FDPS: variants seen among roughly 807,000 people sequenced by gnomAD.
The protein encoded by FDPS is farnesyl diphosphate synthase.
FDPS carries 29 observed loss-of-function variants against 49.5 expected under a neutral mutation model. That is an observed-to-expected ratio of 0.59 (90% CI 0.44 to 0.80). FDPS has a LOEUF of 0.80. Among genes scored for constraint, FDPS ranks in the 30% least tolerant of loss-of-function variants. The pLI is 0.00. For missense variants in FDPS, 414 were observed against 525.6 expected, an observed-to-expected ratio of 0.79 and a Z score of 2.08; for synonymous variants, 172 against 206.4, an observed-to-expected ratio of 0.83 and a Z score of 1.43.
intron 4 of FDPS, among the ~76,000 whole-genome samples, chr1:155,315,954 A>G (rs140684203): frequency 9.1e-4 from 138 of 152,054 alleles, no homozygotes; most frequent in African/African-American, 3.1e-3. Context: ...TAATAATAAA[A>G]ATTAAAACCT....
At chr1:155,311,485 TTAATA>T (rs1198027094) in intron 3 of FDPS, among the ~76,000 whole-genome samples, 1 of 152,118 alleles carries the variant, frequency 6.6e-6, no homozygotes, top group African/African-American at 2.4e-5. Context: ...AGGCTTTGTT[TTAATA>T]TAATGAAGGA....
chr1:155,316,352 T>C (rs1649404732), intron 4 of FDPS, among the ~76,000 whole-genome samples: 1 of 148,468 alleles, frequency 6.7e-6, no homozygotes, highest in Non-Finnish European at 1.5e-5. Flanking sequence ...GGTGCGCTGG[T>C]GTGTGCCTAT....
chr1:155,319,917 C>G lies in FDPS; in HGVS notation c.1048C>G (p.Gln350Glu). ...GCAACGGGCCACTCCAGAACAGTAC[C>G]AGATCCTGAAGGTGCCTGAGAGAGG... ...CLQRATPEQYQILKENYGQKE... is the reference protein window; with the variant it reads ...CLQRATPEQYEILKENYGQKE... The change falls in exon 10 of 11, where the codon CAG becomes GAG. Residue 350 changes from glutamine (Q) to glutamate (E), a missense_variant. Physicochemically the swap from Gln to Glu is conservative, Grantham distance 29. Coordinates refer to ENST00000368356, the MANE Select transcript of FDPS (RefSeq NM_002004.4). 6.2e-7 allele frequency: 1 copy of G among 1,614,076 alleles called. No homozygotes were observed. Among genetic ancestry groups the G allele is most frequent in the Non-Finnish European group, 8.5e-7 (1 of 1,179,936 alleles).
chr1:155,319,018 C>A, intron 8 of FDPS, 90 bp downstream of exon 8: 1 of 945,700 alleles, frequency 1.1e-6, no homozygotes, highest in Non-Finnish European at 1.7e-6. Context: ...ACTGCTACCC[C>A]TGGTGAAAAA....
At chr1:155,310,602 C>T (rs1339660062) in intron 3 of FDPS, 9 of 183,672 alleles carry the variant, frequency 4.9e-5, no homozygotes, top group Non-Finnish European at 1.0e-4. Flanking sequence ...TGAGCCACCG[C>T]GCCTGGCCGA....
At chr1:155,311,531 G>A (rs985941003) in intron 3 of FDPS, among the ~76,000 whole-genome samples, 1 of 152,120 alleles carries the variant, frequency 6.6e-6, no homozygotes, top group Non-Finnish European at 1.5e-5. Flanking sequence ...GTTGAACCCT[G>A]GTAGGCAGAG....
At chr1:155,314,932 C>T (rs537827216) in intron 4 of FDPS, among the ~76,000 whole-genome samples, 1 of 152,086 alleles carries the variant, frequency 6.6e-6, no homozygotes, top group Non-Finnish European at 1.5e-5. Flanking sequence ...CAAGATTGTC[C>T]TTGCAGTCAC....
At chr1:155,314,134 G>A (rs1261475641) in intron 4 of FDPS, among the ~76,000 whole-genome samples, 2 of 151,158 alleles carry the variant, frequency 1.3e-5, no homozygotes, top group African/African-American at 4.9e-5. Context: ...CCTAGAATCA[G>A]TTCTTAACCC....
At chr1:155,313,706 T>G (rs527806594) in intron 4 of FDPS, among the ~76,000 whole-genome samples, 4 of 151,784 alleles carry the variant, frequency 2.6e-5, no homozygotes, top group African/African-American at 9.7e-5. Context: ...GTTCAAAATA[T>G]GGAGATGACA....
At chr1:155,320,325 G>C in intron 10 of FDPS, 84 bp from the exon 11 acceptor site, 1 of 1,141,402 alleles carries the variant, frequency 8.8e-7, no homozygotes, top group Non-Finnish European at 1.3e-6. Context: ...AGATGTTCTG[G>C]AATATGTGAA....
chr1:155,309,773 C>A lies in FDPS; in HGVS notation c.-1-16C>A. 1 of 1,526,708 alleles carries A rather than the reference C, an allele frequency of 6.6e-7. No homozygotes were observed. The highest frequency in any genetic ancestry group is 2.3e-5 in the East Asian group (1 of 42,946). 94.6% of individuals were successfully genotyped at this position (1,526,708 alleles called of 1,614,324 possible). A position where few individuals can be genotyped will look rare whatever the true frequency, so the allele number is the denominator to read the frequency against. On this transcript the variant is annotated splice_polypyrimidine_tract_variant and intron_variant, in intron 1 of 10. Transcript: ENST00000368356. The stretch of plus-strand genomic sequence containing the variant: ...TGCAGGGAGTGCTTAGTGCCCCCTC[C>A]CTATGCCACTCCCAGGATGCCCCTG...
intron 3 of FDPS, among the ~76,000 whole-genome samples, 200 bp from the exon 4 acceptor site, chr1:155,312,055 A>G (rs1648857476): frequency 6.6e-6 from 1 of 152,242 alleles, no homozygotes. Flanking sequence ...GTGCCTGGGT[A>G]CTGGGACCTC....
In FDPS at chr1:155,310,070, C is replaced by A. The variant is rs16836819; in HGVS notation, c.204C>A (p.Asn68Lys). The change falls in exon 3 of 11, where the codon AAC (asparagine) becomes AAA (lysine). Residue 68 changes from asparagine (N) to lysine (K), a missense_variant. Transcript: ENST00000368356. ...CCCTTTGCTCCTCCCTCAGAATGAA[C>A]GGAGACCAGAATTCAGATGTTTATG... ...PRALCSSLRMNGDQNSDVYAQ... is the reference protein window; with the variant it reads ...PRALCSSLRMKGDQNSDVYAQ... 5.6e-6 allele frequency: 9 copies of A among 1,613,758 alleles called. No individual in the cohort carries two copies. The African/African-American group carries it at 1.1e-4, about 19-fold the overall frequency.
Position 155,318,565 on chromosome 1 carries a change from C to A in FDPS, c.685-100C>A. ...CTCCCCTTCTGTTGCCTTTCTGATTCTGCCCAGTTGTCAGCTGGTATGGGA... is the reference window on the plus strand; with the variant it reads ...CTCCCCTTCTGTTGCCTTTCTGATTATGCCCAGTTGTCAGCTGGTATGGGA... On this transcript the variant is annotated intron_variant, in intron 6 of 10. Coordinates refer to ENST00000368356, the MANE Select transcript of FDPS (RefSeq NM_002004.4). The surrounding 1 kb of genome is among the most constrained non-coding windows in gnomAD (Gnocchi z 4.2). 1 of 987,324 alleles carries A rather than the reference C, an allele frequency of 1.0e-6. No individual in the cohort carries two copies. Among genetic ancestry groups the A allele is most frequent in the Non-Finnish European group, 1.6e-6 (1 of 627,044 alleles). 61.2% of individuals were successfully genotyped at this position (987,324 alleles called of 1,614,324 possible).
At chr1:155,320,087 A>G in intron 10 of FDPS, 159 bp downstream of exon 10, 1 of 850,460 alleles carries the variant, frequency 1.2e-6, no homozygotes, top group South Asian at 1.7e-5. Flanking sequence ...TGTGGTACAG[A>G]CATCTAGTTG....
Position 155,319,603 on chromosome 1 carries a change from C to T in FDPS, c.847-8C>T, listed in dbSNP as rs781051061. 8.1e-6 allele frequency: 13 copies of T among 1,613,784 alleles called. No individual in the cohort carries two copies. The East Asian group carries it at 2.5e-4, about 30-fold the overall frequency. On this transcript the variant is annotated splice_polypyrimidine_tract_variant and splice_region_variant and intron_variant, in intron 8 of 10. Transcript: ENST00000368356. Reference sequence around the variant, plus strand: ...GGGTTTGGCTTATTAACCCCCCTTTCCCTGCAGGCAGGAATTGATGGCGAG... The same window carrying T: ...GGGTTTGGCTTATTAACCCCCCTTTTCCTGCAGGCAGGAATTGATGGCGAG...
At chr1:155,314,638 C>G (rs1649128702) in intron 4 of FDPS, among the ~76,000 whole-genome samples, 1 of 151,878 alleles carries the variant, frequency 6.6e-6, no homozygotes, top group Non-Finnish European at 1.5e-5. Context: ...CCACGCCCGG[C>G]TTTTTAAATA....
At chr1:155,309,640 AATTGTCCC>A (rs1648572685) in intron 1 of FDPS, 141 bp from the exon 2 acceptor site, 1 of 643,170 alleles carries the variant, frequency 1.6e-6, no homozygotes, top group Non-Finnish European at 2.5e-6. Context: ...TCCTTCCTGT[AATTGTCCC>A]CAAGCACATT....
intron 1 of FDPS, chr1:155,309,587 T>G: frequency 2.0e-6 from 1 of 502,868 alleles, no homozygotes. Context: ...TGGTGATTAG[T>G]TGGGTCTCAG....
Sources: gnomAD v4.1 joint callset for allele counts (sites outside exome capture counted in the v4.1 genomes callset) on GRCh38, gnomAD v4.1.1 for gene constraint, Gnocchi (gnomAD v3.1) non-coding constraint, MANE v1.5 for transcripts, NCBI Gene and HGNC (gene_info 2026-07-23, HGNC 2026-07-21) for gene names.